The following CASK variants were observed in gnomAD, a reference collection of about 807,000 sequenced individuals.
The protein encoded by CASK is calcium/calmodulin dependent serine protein kinase.
A neutral mutation model predicts 82.9 loss-of-function variants in CASK; 4 were observed. That is an observed-to-expected ratio of 0.05 (90% confidence interval 0.02 to 0.11). The LOEUF (loss-of-function observed/expected upper bound fraction) is 0.11, where lower values mean the gene tolerates loss of function less well. CASK is among the 10% of genes least tolerant of loss of function. The pLI is 1.00. For synonymous variants in CASK, 259 were observed against 253.5 expected (o/e 1.02, Z -0.20); for missense variants, 358 against 720.9 (o/e 0.50, Z 5.76).
chrX:41,641,749 G>GT (rs779917785), intron 8 of CASK, among the ~76,000 whole-genome samples: 25 of 109,163 alleles, frequency 2.3e-4, no homozygotes, highest in African/African-American at 6.7e-4. Context: ...TCATGTTATA[G>GT]TTTTTTTTAT....
At chrX:41,567,042 A>G (rs2065329899) in intron 16 of CASK, among the ~76,000 whole-genome samples, 1 of 112,236 alleles carries the variant, frequency 8.9e-6, no homozygotes, top group Non-Finnish European at 1.9e-5. Flanking sequence ...CATATGTAGA[A>G]AGCTGAAACT....
At chrX:41,754,974 G>A (rs1359909160) in intron 3 of CASK, among the ~76,000 whole-genome samples, 1 of 105,840 alleles carries the variant, frequency 9.4e-6, no homozygotes, top group Non-Finnish European at 1.9e-5. Context: ...CACCTCCCGC[G>A]TTCAAGAGAT....
intron 1 of CASK, among the ~76,000 whole-genome samples, chrX:41,916,422 C>A (rs1055784376): frequency 8.9e-6 from 1 of 111,796 alleles, no homozygotes; most frequent in Non-Finnish European, 1.9e-5. Flanking sequence ...AGAGCAAGTT[C>A]TGTAGCATCT....
chrX:41,865,555 T>G (rs2071575743), intron 1 of CASK, among the ~76,000 whole-genome samples: 1 of 111,841 alleles, frequency 8.9e-6, no homozygotes, highest in African/African-American at 3.3e-5. Context: ...TGGCATCAGT[T>G]GATGTCTTTT....
chrX:41,764,532 C>A (rs1375195214), intron 3 of CASK, among the ~76,000 whole-genome samples: 1 of 111,843 alleles, frequency 8.9e-6, no homozygotes, highest in Non-Finnish European at 1.9e-5. Flanking sequence ...ACTGCATCAT[C>A]TGCTTCCAGG....
chrX:41,799,731 T>C (rs759108849), intron 2 of CASK, among the ~76,000 whole-genome samples: 21 of 104,319 alleles, frequency 2.0e-4, no homozygotes, highest in Admixed American at 4.4e-4. Flanking sequence ...TTCAATAGAA[T>C]CTACAGAAAT....
At chrX:41,594,637 G>C (rs1238684424) in intron 12 of CASK, among the ~76,000 whole-genome samples, 1 of 111,995 alleles carries the variant, frequency 8.9e-6, no homozygotes, top group Non-Finnish European at 1.9e-5. Flanking sequence ...AGTGTATGTT[G>C]AGTTAAGCAT....
intron 18 of CASK, 97 bp from the exon 19 acceptor site, chrX:41,557,197 C>A: frequency 2.7e-6 from 2 of 729,536 alleles, no homozygotes; most frequent in Non-Finnish European, 4.3e-6. Context: ...ACAACCATTT[C>A]CTTTGAGGTT....
At chrX:41,682,458 C>T (rs1391166062) in intron 5 of CASK, among the ~76,000 whole-genome samples, 5 of 83,786 alleles carry the variant, frequency 6.0e-5, no homozygotes, top group Non-Finnish European at 1.1e-4. Flanking sequence ...GAGGCTGAGG[C>T]GGTAAAATTG....
At position 41,695,842 on chromosome X, in the gene CASK, T is replaced by C. The variant is rs776325867; in HGVS notation, c.430-24312A>G. ...TCTGTTATTTTCATCGTGGGACTGG[T>C]TGGGAACATAATCGCCCTCTATGTA... On this transcript the variant is annotated intron_variant, in intron 5 of 26. Transcript: ENST00000378163. The C allele has an allele frequency of 1.4e-5, 17 of 1,201,953 alleles. No individual in the cohort carries two copies. The South Asian group carries it at 2.1e-4, about 15-fold the overall frequency.
Position 41,888,995 on chromosome X carries a change from T to C in CASK, c.59+33935A>G, listed in dbSNP as rs750786487. Among the ~76,000 whole-genome samples the C allele has an allele frequency of 2.7e-5, 3 of 109,976 alleles. No homozygotes were observed. The East Asian group carries it at 8.6e-4, about 31-fold the overall frequency. The stretch of plus-strand genomic sequence containing the variant: ...TTTCGTATAATGACTTCTTTTCCTT[T>C]GGGTAGATACCTAGTAGTGGGACTG... On this transcript the variant is annotated intron_variant, in intron 1 of 26. Coordinates refer to ENST00000378163, the MANE Select transcript of CASK (RefSeq NM_001367721.1).
At chrX:41,827,483 T>G (rs780942899) in intron 2 of CASK, among the ~76,000 whole-genome samples, 3 of 111,995 alleles carry the variant, frequency 2.7e-5, no homozygotes, top group Non-Finnish European at 5.6e-5. Flanking sequence ...GTGATCTCTC[T>G]AAGGCATCTT....
intron 11 of CASK, among the ~76,000 whole-genome samples, chrX:41,613,334 C>G (rs1175657464): frequency 9.8e-6 from 1 of 101,652 alleles, no homozygotes; most frequent in Non-Finnish European, 2.0e-5. Context: ...GACCTTACCC[C>G]CAACCCTGTG....
intron 2 of CASK, among the ~76,000 whole-genome samples, chrX:41,802,767 T>C (rs1473575226): frequency 9.0e-6 from 1 of 111,179 alleles, no homozygotes; most frequent in Non-Finnish European, 1.9e-5. Context: ...ATGAGAAAAC[T>C]TAAGCACAGA....
At chrX:41,793,370 C>T (rs1264851406) in intron 2 of CASK, among the ~76,000 whole-genome samples, 1 of 111,860 alleles carries the variant, frequency 8.9e-6, no homozygotes, top group Non-Finnish European at 1.9e-5. Flanking sequence ...CATCACACCA[C>T]AGTGCCTCCT....
intron 1 of CASK, among the ~76,000 whole-genome samples, chrX:41,886,982 G>A (rs2072060287): frequency 9.0e-6 from 1 of 110,730 alleles, no homozygotes; most frequent in African/African-American, 3.3e-5. Flanking sequence ...CTGATTTAGA[G>A]ATTTGTACAC....
intron 1 of CASK, among the ~76,000 whole-genome samples, chrX:41,899,000 T>C (rs1266067252): frequency 8.9e-6 from 1 of 111,831 alleles, no homozygotes; most frequent in Non-Finnish European, 1.9e-5. Context: ...TGTGCATTGT[T>C]GAAAGTGGGG....
At chrX:41,669,015 G>A (rs767782145) in intron 6 of CASK, among the ~76,000 whole-genome samples, 5 of 111,569 alleles carry the variant, frequency 4.5e-5, no homozygotes, top group African/African-American at 1.6e-4. Flanking sequence ...ATGAGCCACC[G>A]TGCCCAACCT....
intron 8 of CASK, among the ~76,000 whole-genome samples, chrX:41,659,891 T>A (rs1217909116): frequency 2.8e-5 from 3 of 107,846 alleles, no homozygotes; most frequent in African/African-American, 1.0e-4. Context: ...TCCCAGCTAC[T>A]GGGGAGGTTA....
Sources: allele counts gnomAD v4.1 joint callset (sites outside exome capture counted in the v4.1 genomes callset), GRCh38; gene constraint gnomAD v4.1.1; transcripts MANE v1.5; gene names NCBI Gene and HGNC (gene_info 2026-07-23, HGNC 2026-07-21).